Variants in SEPTIN9 observed in about 807,000 individuals in gnomAD.
SEPTIN9 encodes the protein septin 9, also known as septin-9.
SEPTIN9 carries 13 observed loss-of-function variants against 56.6 expected under a neutral mutation model. The observed-to-expected ratio is 0.23, with a 90% CI of 0.15 to 0.37. The LOEUF (loss-of-function observed/expected upper bound fraction) is 0.37, where lower values mean the gene tolerates loss of function less well. Among genes scored for constraint, SEPTIN9 ranks in the 10% least tolerant of loss-of-function variants. SEPTIN9 has a pLI of 1.00. For missense variants in SEPTIN9, 650 were observed against 823.1 expected (o/e 0.79, Z 2.57); for synonymous variants, 332 against 334.1 (o/e 0.99, Z 0.07).
In SEPTIN9 at chr17:77,369,196, T is replaced by C. The variant is rs2034650211; in HGVS notation, c.77-32863T>C. 6.6e-6 allele frequency among the ~76,000 whole-genome samples: 1 copy of C among 151,972 alleles called. No homozygotes were observed. Among genetic ancestry groups the C allele is most frequent in the Non-Finnish European group, 1.5e-5 (1 of 67,992 alleles). ...TTGCAGTGAGCCAGGATTGCCCCAC[T>C]GCACTCCAGACCGGGTGACAGAGTG... On this transcript the variant is annotated intron_variant, in intron 2 of 11. Transcript: ENST00000427177. This position sits in a 1 kb window ranked among gnomAD's most constrained non-coding sequence, Gnocchi z 4.9.
intron 3 of SEPTIN9, among the ~76,000 whole-genome samples, chr17:77,479,330 G>A (rs1251234356): frequency 6.6e-6 from 1 of 152,218 alleles, no homozygotes; most frequent in Non-Finnish European, 1.5e-5. Context: ...CTCTGGGTAT[G>A]GGGGTCTCTG....
rs867051184 is a variant in SEPTIN9, at chr17:77,317,430, C to T, written c.76+10233C>T. ...TCGCATTACTGCCCAAGCTCTGCCT[C>T]CTGTCTGATCAGCCATGGCATTGGA... is the stretch of plus-strand genomic sequence containing the variant. On this transcript the variant is annotated intron_variant, in intron 2 of 11. Coordinates refer to ENST00000427177, the MANE Select transcript of SEPTIN9 (RefSeq NM_001113491.2). This position sits in a 1 kb window ranked among gnomAD's most constrained non-coding sequence, Gnocchi z 4.2. Among the ~76,000 whole-genome samples, 2 of 152,216 alleles carry T rather than the reference C, an allele frequency of 1.3e-5. No individual in the cohort carries two copies. The highest frequency in any genetic ancestry group is 2.1e-4 in the South Asian group (1 of 4,836).
chr17:77,465,744 G>A (rs896714798), intron 3 of SEPTIN9, among the ~76,000 whole-genome samples: 1 of 152,038 alleles, frequency 6.6e-6, no homozygotes, highest in African/African-American at 2.4e-5. Context: ...TGCAAAGTTC[G>A]AGTGTCTTTT....
chr17:77,498,199 G>A (rs2040354333), intron 11 of SEPTIN9, among the ~76,000 whole-genome samples: 1 of 151,978 alleles, frequency 6.6e-6, no homozygotes, highest in South Asian at 2.1e-4. Flanking sequence ...CTCCAGCCCT[G>A]TCCCTCTGAG....
chr17:77,320,029 C>T, intron 2 of SEPTIN9: 3 of 1,350,990 alleles, frequency 2.2e-6, no homozygotes, highest in Non-Finnish European at 2.9e-6. Context: ...TTCGGGCCCT[C>T]TCTCCTGCCT....
intron 3 of SEPTIN9, among the ~76,000 whole-genome samples, chr17:77,473,735 A>G (rs1249177645): frequency 6.6e-6 from 1 of 152,244 alleles, no homozygotes; most frequent in Non-Finnish European, 1.5e-5. Flanking sequence ...AAACATTTAA[A>G]TAAATGAACT....
At chr17:77,381,601 C>A (rs907880526) in intron 2 of SEPTIN9, among the ~76,000 whole-genome samples, 2 of 152,244 alleles carry the variant, frequency 1.3e-5, no homozygotes, top group Non-Finnish European at 2.9e-5. Context: ...GTCTTCTCCT[C>A]TGTCCTCTGC....
rs747361957 is a variant in SEPTIN9 at position 77,499,950 on chromosome 17, G to A, written c.*1292G>A. 1.2e-4 allele frequency: 30 copies of A among 241,492 alleles called. No individual in the cohort carries two copies. The highest frequency in any genetic ancestry group is 2.4e-4 in the East Asian group (4 of 16,678). The allele number at this position is 241,492 out of a possible 1,614,324, so 15.0% of individuals were successfully genotyped here. ...GCAAGGTTTCGTGGCAGCACGGCCC[G>A]GCCCCTCACCCTCTGTCCCCACGAG... On this transcript the variant is annotated 3_prime_UTR_variant, in exon 12 of 12. Transcript: ENST00000427177.
intron 2 of SEPTIN9, among the ~76,000 whole-genome samples, chr17:77,312,056 C>T (rs1244654977): frequency 1.3e-5 from 2 of 152,158 alleles, no homozygotes; most frequent in Non-Finnish European, 2.9e-5. Flanking sequence ...ATCTCATCAA[C>T]TCGCCCTCTG....
intron 3 of SEPTIN9, among the ~76,000 whole-genome samples, chr17:77,411,668 A>T (rs1029571679): frequency 1.3e-5 from 2 of 151,856 alleles, no homozygotes; most frequent in African/African-American, 4.8e-5. Flanking sequence ...CCAAAGTAGC[A>T]CGTTCCTTTT....
chr17:77,340,532 T>C (rs1217635847), intron 2 of SEPTIN9, among the ~76,000 whole-genome samples: 1 of 152,186 alleles, frequency 6.6e-6, no homozygotes. Flanking sequence ...ATAGACAGAA[T>C]AGATTTGGCA....
At chr17:77,438,253 C>T (rs888594241) in intron 3 of SEPTIN9, among the ~76,000 whole-genome samples, 1 of 152,234 alleles carries the variant, frequency 6.6e-6, no homozygotes, top group Non-Finnish European at 1.5e-5. Flanking sequence ...GCTGGTTCCC[C>T]GCCGACCCCC....
At position 77,389,205 on chromosome 17, in the gene SEPTIN9, G is replaced by A. The variant is rs2035447950; in HGVS notation, c.77-12854G>A. Among the ~76,000 whole-genome samples the A allele has an allele frequency of 6.6e-6, 1 of 152,186 alleles. No homozygotes were observed. The highest frequency in any genetic ancestry group is 2.4e-5 in the African/African-American group (1 of 41,438). On this transcript the variant is annotated intron_variant, in intron 2 of 11. Transcript: ENST00000427177. The surrounding 1 kb of genome is among the most constrained non-coding windows in gnomAD (Gnocchi z 4.3). ...CAGCATGCGTGAAGCCCGGGGTCTG[G>A]GCAAAGGAGTGTTTGGGGAAGAGTC...
chr17:77,341,944 G>A (rs1354352823), intron 2 of SEPTIN9, among the ~76,000 whole-genome samples: 3 of 151,618 alleles, frequency 2.0e-5, no homozygotes, highest in East Asian at 3.9e-4. Context: ...ATAGCCGGGC[G>A]TGGTGGTGGG....
intron 3 of SEPTIN9, among the ~76,000 whole-genome samples, chr17:77,443,963 A>C (rs1017427514): frequency 2.0e-5 from 3 of 152,102 alleles, no homozygotes; most frequent in African/African-American, 7.2e-5. Context: ...GCAGCCTAGG[A>C]GACTCAAAAG....
rs2032587655 is a variant in SEPTIN9 at position 77,313,488 on chromosome 17, A to T, written c.76+6291A>T. 6.6e-6 allele frequency among the ~76,000 whole-genome samples: 1 copy of T among 152,238 alleles called. No homozygotes were observed. Among genetic ancestry groups the T allele is most frequent in the Admixed American group, 6.5e-5 (1 of 15,286 alleles). The stretch of plus-strand genomic sequence containing the variant: ...AGCCAAAGTCTGAGGCACAATAAAA[A>T]GTGGAGAAAGATTCCAGAGAGGAAT... On this transcript the variant is annotated intron_variant, in intron 2 of 11. Coordinates refer to ENST00000427177, the MANE Select transcript of SEPTIN9 (RefSeq NM_001113491.2). The surrounding 1 kb of genome is among the most constrained non-coding windows in gnomAD (Gnocchi z 4.5).
intron 1 of SEPTIN9, among the ~76,000 whole-genome samples, chr17:77,303,112 A>G (rs907917281): frequency 6.6e-6 from 1 of 151,458 alleles, no homozygotes; most frequent in African/African-American, 2.4e-5. Flanking sequence ...TATTGTTATT[A>G]TTTTTTGAAA....
chr17:77,438,353 C>T (rs1403385761), intron 3 of SEPTIN9, among the ~76,000 whole-genome samples: 1 of 152,204 alleles, frequency 6.6e-6, no homozygotes, highest in African/African-American at 2.4e-5. Context: ...GTAGTCCTAC[C>T]CTTCATCTCC....
chr17:77,380,762 G>A (rs2035114374), intron 2 of SEPTIN9, among the ~76,000 whole-genome samples: 1 of 152,170 alleles, frequency 6.6e-6, no homozygotes, highest in South Asian at 2.1e-4. Flanking sequence ...AGTTGGAGGG[G>A]GGCAGTTACC....
Sources: gnomAD v4.1 joint callset for allele counts (sites outside exome capture counted in the v4.1 genomes callset) on GRCh38, gnomAD v4.1.1 for gene constraint, Gnocchi (gnomAD v3.1) non-coding constraint, MANE v1.5 for transcripts, NCBI Gene and HGNC (gene_info 2026-07-23, HGNC 2026-07-21) for gene names.